Variants in FMN1 observed in about 807,000 individuals in gnomAD.
The protein encoded by FMN1 is formin-1.
In FMN1, 110 loss-of-function variants were observed where a neutral mutation model predicts 132.4. The observed-to-expected ratio is 0.83, with a 90% CI of 0.71 to 0.97. FMN1 has a LOEUF of 0.97. FMN1 is among the 50% of genes least tolerant of loss of function. The pLI is 0.00. For synonymous variants in FMN1, 722 were observed against 651.7 expected (o/e 1.11, Z -1.64); for missense variants, 1,792 against 1,705.3 (o/e 1.05, Z -0.90).
chr15:33,186,876 C>A (rs936873319), intron 2 of FMN1, among the ~76,000 whole-genome samples: 1 of 152,192 alleles, frequency 6.6e-6, no homozygotes, highest in South Asian at 2.1e-4. Context: ...CTCCCTGGAG[C>A]ACTTCTCTTA....
intron 9 of FMN1, among the ~76,000 whole-genome samples, chr15:32,927,646 A>G (rs1015650625): frequency 6.6e-6 from 1 of 152,218 alleles, no homozygotes; most frequent in African/African-American, 2.4e-5. Context: ...AACCTTTATG[A>G]ATATTCCATG....
At chr15:33,009,050 C>G (rs1368876578) in intron 6 of FMN1, among the ~76,000 whole-genome samples, 2 of 152,176 alleles carry the variant, frequency 1.3e-5, no homozygotes, top group African/African-American at 4.8e-5. Context: ...ATTGGCAAAG[C>G]CACGCCAGAA....
At chr15:32,834,455 T>C (rs1256451079) in intron 17 of FMN1, among the ~76,000 whole-genome samples, 2 of 152,160 alleles carry the variant, frequency 1.3e-5, no homozygotes, top group African/African-American at 2.4e-5. Context: ...CATTTCAAGC[T>C]GCCTCAAGGA....
chr15:32,898,763 T>C, intron 15 of FMN1, 71 bp downstream of exon 15: 1 of 985,116 alleles, frequency 1.0e-6, no homozygotes, highest in Non-Finnish European at 1.6e-6. Context: ...CATCCATCTA[T>C]CCATCATCCA....
intron 7 of FMN1, among the ~76,000 whole-genome samples, chr15:33,003,299 C>T (rs1005292422): frequency 6.6e-6 from 1 of 152,150 alleles, no homozygotes; most frequent in Admixed American, 6.5e-5. Flanking sequence ...ATCTAGAAAA[C>T]CCCATTGTCT....
intron 17 of FMN1, among the ~76,000 whole-genome samples, chr15:32,843,598 C>G (rs985714540): frequency 6.6e-6 from 1 of 152,168 alleles, no homozygotes; most frequent in Non-Finnish European, 1.5e-5. Context: ...TTATGCTCCC[C>G]TAGAATTACT....
At chr15:33,028,645 G>A (rs1306315789) in intron 6 of FMN1, among the ~76,000 whole-genome samples, 1 of 152,174 alleles carries the variant, frequency 6.6e-6, no homozygotes, top group East Asian at 1.9e-4. Context: ...TGCACCATCT[G>A]GGCAGCATGT....
In FMN1 at chr15:32,776,921, T is replaced by C; in HGVS notation, c.4131-2A>G. ...ACTGATTCCTGAGCCATTTTCAATC[T>C]GAAATAGAAATAGGGAAAAGACAGG... On this transcript the variant is annotated splice_acceptor_variant, in intron 19 of 20. Transcript: ENST00000616417. LOFTEE classifies it high-confidence loss of function. 5 of 1,562,408 alleles carry C rather than the reference T, an allele frequency of 3.2e-6. No individual in the cohort carries two copies. Among genetic ancestry groups the C allele is most frequent in the Non-Finnish European group, 4.4e-6 (5 of 1,143,482 alleles).
intron 6 of FMN1, among the ~76,000 whole-genome samples, chr15:33,041,904 A>C (rs1009486712): frequency 6.9e-6 from 1 of 145,874 alleles, no homozygotes; most frequent in African/African-American, 2.6e-5. Context: ...AAAGATAGTA[A>C]ATTTCACAGT....
chr15:32,970,354 T>C (rs2031674679), intron 7 of FMN1, among the ~76,000 whole-genome samples: 1 of 152,380 alleles, frequency 6.6e-6, no homozygotes, highest in East Asian at 1.9e-4. Flanking sequence ...AGTTTAACAG[T>C]AATTAAATAT....
intron 7 of FMN1, among the ~76,000 whole-genome samples, chr15:32,993,697 C>A (rs2033582860): frequency 6.6e-6 from 1 of 152,202 alleles, no homozygotes; most frequent in Non-Finnish European, 1.5e-5. Flanking sequence ...AGACAAGCAA[C>A]AATGACAGTT....
intron 2 of FMN1, among the ~76,000 whole-genome samples, chr15:33,193,562 C>T (rs1966154872): frequency 6.6e-6 from 1 of 152,098 alleles, no homozygotes; most frequent in Non-Finnish European, 1.5e-5. Context: ...TCTGCTACTC[C>T]ACCTGGTCTT....
At chr15:33,057,639 G>A (rs71462845) in intron 6 of FMN1, among the ~76,000 whole-genome samples, 5,056 of 152,234 alleles carry the variant, frequency 0.033, 132 homozygotes, top group African/African-American at 0.06. Flanking sequence ...TAAAAGTAAT[G>A]TCAAACTTAA....
chr15:32,986,615 C>T (rs1478119570), intron 7 of FMN1, among the ~76,000 whole-genome samples: 2 of 151,814 alleles, frequency 1.3e-5, no homozygotes, highest in Admixed American at 6.6e-5. Flanking sequence ...AAATAATAAA[C>T]GGAATTTGGC....
chr15:33,163,037 G>A (rs900831842), intron 3 of FMN1, among the ~76,000 whole-genome samples: 6 of 152,068 alleles, frequency 3.9e-5, no homozygotes, highest in Admixed American at 2.0e-4. Flanking sequence ...TGGGAGAATC[G>A]CTTGAACCCG....
intron 9 of FMN1, among the ~76,000 whole-genome samples, chr15:32,930,684 T>C (rs139692360): frequency 2.7e-4 from 41 of 151,722 alleles, no homozygotes; most frequent in Non-Finnish European, 5.3e-4. Flanking sequence ...TCATTTAACA[T>C]AGTCCCCTTT....
chr15:32,765,958 T>C lies in FMN1; in HGVS notation c.*8352A>G, dbSNP rs1225946140. 3.3e-5 allele frequency: 5 copies of C among 150,558 alleles called. No homozygotes were observed. The highest frequency in any genetic ancestry group is 7.4e-5 in the Non-Finnish European group (5 of 67,480). 9.3% of individuals were successfully genotyped at this position (150,558 alleles called of 1,614,324 possible). ...TGACAAAATTAAATATGCAAACAAATTAGAAATACGTATTTTTAAAAATGC... is the reference window on the plus strand; with the variant it reads ...TGACAAAATTAAATATGCAAACAAACTAGAAATACGTATTTTTAAAAATGC... On this transcript the variant is annotated 3_prime_UTR_variant, in exon 21 of 21. Coordinates refer to ENST00000616417, the MANE Select transcript of FMN1 (RefSeq NM_001277313.2).
Position 32,926,091 on chromosome 15 carries a change from T to C in FMN1, c.3226+83A>G, listed in dbSNP as rs530259531. The C allele has an allele frequency of 1.9e-3, 1,451 of 765,466 alleles. 7 individuals are homozygous for C. Among genetic ancestry groups the C allele is most frequent in the Non-Finnish European group, 2.7e-3 (1,244 of 461,744 alleles). 47.4% of individuals were successfully genotyped at this position (765,466 alleles called of 1,614,324 possible). On this transcript the variant is annotated intron_variant, in intron 10 of 20. Transcript: ENST00000616417. ...ATAGGATTCATTAGGGCATTCTAAC[T>C]TTGTATGTGTTTGACATTCTTCAGA...
At chr15:33,156,176 T>C (rs1964660975) in intron 3 of FMN1, among the ~76,000 whole-genome samples, 1 of 151,790 alleles carries the variant, frequency 6.6e-6, no homozygotes, top group Admixed American at 6.6e-5. Flanking sequence ...ATGACAGTTA[T>C]GAAAATTGCA....
Sources: allele counts gnomAD v4.1 joint callset (sites outside exome capture counted in the v4.1 genomes callset), GRCh38; gene constraint gnomAD v4.1.1; transcripts MANE v1.5; gene names NCBI Gene and HGNC (gene_info 2026-07-23, HGNC 2026-07-21).